Variants in PDSS2 observed in about 807,000 individuals in gnomAD.
The protein encoded by PDSS2 is all trans-polyprenyl-diphosphate synthase PDSS2.
Under a neutral mutation model 44.5 loss-of-function variants are expected in PDSS2, and 31 were observed. The ratio of observed to expected loss-of-function variants is 0.70; its 90% CI spans 0.52 to 0.94. The LOEUF is 0.94. Among genes scored for constraint, PDSS2 ranks in the 40% least tolerant of loss-of-function variants. The pLI is 0.00. For missense variants in PDSS2, 452 were observed against 482.2 expected (o/e 0.94, Z 0.59); for synonymous variants, 157 against 180.3 (o/e 0.87, Z 1.03).
At chr6:107,190,677 C>A (rs1772342399) in intron 7 of PDSS2, among the ~76,000 whole-genome samples, 1 of 152,134 alleles carries the variant, frequency 6.6e-6, no homozygotes, top group South Asian at 2.1e-4. Context: ...ATAGGATGAG[C>A]AGAGGGAGCC....
chr6:107,312,112 T>C (rs993427937), intron 2 of PDSS2, among the ~76,000 whole-genome samples: 2 of 152,208 alleles, frequency 1.3e-5, no homozygotes, highest in African/African-American at 4.8e-5. Context: ...GCACAGTGCA[T>C]GCAGCGTATT....
intron 1 of PDSS2, among the ~76,000 whole-genome samples, chr6:107,384,082 G>C (rs1252824462): frequency 6.6e-6 from 1 of 152,096 alleles, no homozygotes; most frequent in Non-Finnish European, 1.5e-5. Context: ...ATATTATTTT[G>C]TTATAAAAAG....
At chr6:107,458,301 C>T (rs910242037) in intron 1 of PDSS2, among the ~76,000 whole-genome samples, 2 of 149,972 alleles carry the variant, frequency 1.3e-5, no homozygotes, top group African/African-American at 4.9e-5. Flanking sequence ...CTGGCTAACA[C>T]GGTGAAACCC....
chr6:107,437,482 A>G (rs1192013104), intron 1 of PDSS2, among the ~76,000 whole-genome samples: 1 of 146,374 alleles, frequency 6.8e-6, no homozygotes, highest in African/African-American at 2.6e-5. Context: ...CCAAGATCGC[A>G]CCACTGCACT....
chr6:107,154,867 A>T (rs1582703215), intron 7 of PDSS2, 90 bp from the exon 8 acceptor site: 2 of 1,083,650 alleles, frequency 1.8e-6, no homozygotes, highest in East Asian at 2.4e-5. Flanking sequence ...TGGAAAACAA[A>T]GAAAGGGAGA....
chr6:107,287,523 T>A (rs1190592561), intron 2 of PDSS2, among the ~76,000 whole-genome samples: 2 of 152,120 alleles, frequency 1.3e-5, no homozygotes, highest in African/African-American at 2.4e-5. Context: ...ATTAAAAATT[T>A]TCATTTTATT....
At chr6:107,181,885 G>A in intron 7 of PDSS2, among the ~76,000 whole-genome samples, 1 of 114,630 alleles carries the variant, frequency 8.7e-6, no homozygotes, top group African/African-American at 3.7e-5. Flanking sequence ...GCAAGACTCT[G>A]TCTCAAAAAA....
At position 107,223,747 on chromosome 6, in the gene PDSS2, T is replaced by C. The variant is rs538482645; in HGVS notation, c.703-11465A>G. 1.3e-4 allele frequency among the ~76,000 whole-genome samples: 20 copies of C among 150,502 alleles called. No homozygotes were observed. The East Asian group carries it at 3.5e-3, about 26-fold the overall frequency. On this transcript the variant is annotated intron_variant, in intron 4 of 7. Transcript: ENST00000369037. Reference sequence around the variant, plus strand: ...AGATTGTATTTAAGAGTGAATGACATCTATGTACCCGCCCCCGACCCCGAC... The same window carrying C: ...AGATTGTATTTAAGAGTGAATGACACCTATGTACCCGCCCCCGACCCCGAC...
chr6:107,236,800 T>A (rs1195240968), intron 4 of PDSS2, among the ~76,000 whole-genome samples: 1 of 152,216 alleles, frequency 6.6e-6, no homozygotes, highest in Non-Finnish European at 1.5e-5. Flanking sequence ...CCCAACTAGA[T>A]GTGAGTTCTT....
chr6:107,331,406 A>C (rs1295829457), intron 2 of PDSS2, among the ~76,000 whole-genome samples: 3 of 152,170 alleles, frequency 2.0e-5, no homozygotes, highest in Non-Finnish European at 4.4e-5. Flanking sequence ...ACACTTGAGT[A>C]TAAAGCCCAT....
At chr6:107,311,185 C>A (rs548782055) in intron 2 of PDSS2, among the ~76,000 whole-genome samples, 125 of 146,368 alleles carry the variant, frequency 8.5e-4, no homozygotes, top group Admixed American at 4.5e-3. Context: ...CAAAATGCCA[C>A]CACAACCAGC....
At chr6:107,254,286 C>G (rs1562410649) in intron 3 of PDSS2, among the ~76,000 whole-genome samples, 1 of 151,960 alleles carries the variant, frequency 6.6e-6, no homozygotes, top group Non-Finnish European at 1.5e-5. Context: ...CCCACCTTGG[C>G]TTCCCAAAGT....
At chr6:107,260,257 C>T (rs1299017153) in intron 3 of PDSS2, among the ~76,000 whole-genome samples, 2 of 152,172 alleles carry the variant, frequency 1.3e-5, no homozygotes, top group Admixed American at 1.3e-4. Context: ...CAGAAAAGGG[C>T]TCTTCCCAAT....
rs770555340 is a variant in PDSS2 at position 107,274,140 on chromosome 6, T to G, written c.519A>C (p.Ser173=). 5 of 1,613,708 alleles carry G rather than the reference T, an allele frequency of 3.1e-6. No homozygotes were observed. In the South Asian group the frequency reaches 5.5e-5, roughly 18 times the overall value. The part of the protein sequence containing the change: ...RGIVNLNELQ[S]SDGPLKDMQF... ...GCATGTCTTTCAGTGGACCATCAGATGATTGCAACTCATTTAAATTTACTA... is the reference window on the plus strand; with the variant it reads ...GCATGTCTTTCAGTGGACCATCAGAGGATTGCAACTCATTTAAATTTACTA... Residue 173 remains serine, a synonymous_variant, in exon 3 of 8, where the codon TCA becomes TCC. Transcript: ENST00000369037.
At chr6:107,253,404 CT>C (rs1774893718) in intron 3 of PDSS2, among the ~76,000 whole-genome samples, 2 of 152,196 alleles carry the variant, frequency 1.3e-5, no homozygotes, top group African/African-American at 4.8e-5. Flanking sequence ...TTTACATTTA[CT>C]TTTTTTGCAG....
In PDSS2 at chr6:107,454,047, CT is replaced by C. The variant is rs34161602; in HGVS notation, c.296+4942del. ...GGGACAGGGTCCATGTTTCAGACTT[CT>C]TTTTTTTTTTTTTTTTTGAGACAAG... On this transcript the variant is annotated intron_variant, in intron 1 of 7. Transcript: ENST00000369037. Among the ~76,000 whole-genome samples, 1,523 of 131,558 alleles carry C rather than the reference CT, an allele frequency of 0.012. 41 individuals are homozygous for C. In the East Asian group the frequency reaches 0.12, roughly 10 times the overall value. 86.3% of individuals were successfully genotyped at this position (131,558 alleles called of 152,430 possible).
Position 107,334,325 on chromosome 6 carries a change from CA to C in PDSS2, c.303del (p.Val102TyrfsTer10). ...TGGAGGCTATTCCAGCTGTCATGTA[CA>C]AGCCCCCTGCCAACAAGCAAAGAAG... ...QHPLLTTARG[L>X]VHDSWNSLQL... On this transcript the variant is annotated frameshift_variant, in exon 2 of 8. Transcript: ENST00000369037. LOFTEE classifies it high-confidence loss of function. 1.2e-6 allele frequency: 2 copies of C among 1,613,620 alleles called. No individual in the cohort carries two copies.
At chr6:107,155,610 T>G (rs1770860412) in intron 7 of PDSS2, among the ~76,000 whole-genome samples, 1 of 150,114 alleles carries the variant, frequency 6.7e-6, no homozygotes, top group Non-Finnish European at 1.5e-5. Flanking sequence ...AGACGGAGTC[T>G]CACTCTGTTG....
intron 7 of PDSS2, among the ~76,000 whole-genome samples, chr6:107,169,999 C>T: frequency 6.6e-6 from 1 of 152,180 alleles, no homozygotes; most frequent in East Asian, 1.9e-4. Flanking sequence ...CTACTCTCTT[C>T]AAAGCTGTCA....
Sources: allele counts gnomAD v4.1 joint callset (sites outside exome capture counted in the v4.1 genomes callset), GRCh38; gene constraint gnomAD v4.1.1; transcripts MANE v1.5; gene names NCBI Gene and HGNC (gene_info 2026-07-23, HGNC 2026-07-21).